FMNL2: variants seen among roughly 807,000 people sequenced by gnomAD.
The protein encoded by FMNL2 is formin like 2, also known as formin-like protein 2.
In FMNL2, 51 loss-of-function variants were observed where a neutral mutation model predicts 130.2. The ratio of observed to expected loss-of-function variants is 0.39; its 90% CI spans 0.31 to 0.49. The LOEUF is 0.49. FMNL2 is among the 20% of genes least tolerant of loss of function. The pLI is 0.85. For synonymous variants in FMNL2, 465 were observed against 467.1 expected (o/e 1.00, Z 0.06); for missense variants, 977 against 1,316.2 (o/e 0.74, Z 3.99).
chr2:152,343,891 G>A (rs569555010), intron 1 of FMNL2, among the ~76,000 whole-genome samples: 1 of 152,116 alleles, frequency 6.6e-6, no homozygotes, highest in Non-Finnish European at 1.5e-5. Context: ...AGTGGCTCAC[G>A]CCTGTAATCC....
intron 1 of FMNL2, among the ~76,000 whole-genome samples, chr2:152,503,703 G>A (rs1558919536): frequency 6.6e-6 from 1 of 152,170 alleles, no homozygotes; most frequent in African/African-American, 2.4e-5. Flanking sequence ...CCTGGGCCAT[G>A]GATTCTAAGT....
intron 10 of FMNL2, 100 bp from the exon 11 acceptor site, chr2:152,611,395 C>T (rs950813729): frequency 2.6e-5 from 16 of 611,824 alleles, no homozygotes; most frequent in Admixed American, 1.2e-4. Context: ...AAAAGGAAAT[C>T]GGTAAGTGAG....
At chr2:152,580,532 CT>C (rs372894209) in intron 8 of FMNL2, among the ~76,000 whole-genome samples, 11 of 149,366 alleles carry the variant, frequency 7.4e-5, no homozygotes, top group South Asian at 4.3e-4. Flanking sequence ...TGATTTTGAA[CT>C]TTTTTTTTTG....
rs370601597 is a variant in FMNL2, at chr2:152,511,777, G to C, written c.118-10166G>C. Among the ~76,000 whole-genome samples, 6 of 152,238 alleles carry C rather than the reference G, an allele frequency of 3.9e-5. No individual in the cohort carries two copies. The East Asian group carries it at 1.2e-3, about 29-fold the overall frequency. On this transcript the variant is annotated intron_variant, in intron 1 of 25. Coordinates refer to ENST00000288670, the MANE Select transcript of FMNL2 (RefSeq NM_052905.4). ...ACAGATATGTTGCTGGGAAAGGGCT[G>C]GGGGAGAGTGAGGCCAGGGTTCCAG...
chr2:152,363,159 G>C (rs1683276301), intron 1 of FMNL2, among the ~76,000 whole-genome samples: 1 of 152,172 alleles, frequency 6.6e-6, no homozygotes, highest in African/African-American at 2.4e-5. Flanking sequence ...GTCGAATTGT[G>C]TGCATTACAT....
intron 9 of FMNL2, among the ~76,000 whole-genome samples, chr2:152,581,258 TTTG>T (rs937908843): frequency 4.6e-5 from 7 of 152,212 alleles, no homozygotes; most frequent in Admixed American, 2.6e-4. Context: ...GTACTCTTTT[TTTG>T]TTGTTGTTGT....
intron 6 of FMNL2, 133 bp downstream of exon 6, chr2:152,561,168 G>A (rs1695500953): frequency 1.1e-6 from 1 of 945,414 alleles, no homozygotes; most frequent in Non-Finnish European, 1.5e-6. Context: ...GACTCTAAAT[G>A]AATGTTTCTT....
chr2:152,641,829 C>T (rs1683106387), intron 25 of FMNL2, among the ~76,000 whole-genome samples: 1 of 152,150 alleles, frequency 6.6e-6, no homozygotes, highest in African/African-American at 2.4e-5. Flanking sequence ...CAAAAACATA[C>T]TTTACACCAT....
intron 1 of FMNL2, among the ~76,000 whole-genome samples, chr2:152,399,344 G>C (rs942471126): frequency 2.6e-5 from 4 of 152,224 alleles, no homozygotes; most frequent in Non-Finnish European, 4.4e-5. Context: ...TGGTTGAAAG[G>C]GGGAAGCCTA....
chr2:152,343,298 C>A (rs998397508), intron 1 of FMNL2, among the ~76,000 whole-genome samples: 2 of 140,418 alleles, frequency 1.4e-5, no homozygotes, highest in Admixed American at 1.5e-4. Flanking sequence ...TCAAATAGTT[C>A]ATATTTTTTT....
chr2:152,572,586 T>C (rs1468989401), intron 6 of FMNL2, among the ~76,000 whole-genome samples: 1 of 151,938 alleles, frequency 6.6e-6, no homozygotes, highest in Non-Finnish European at 1.5e-5. Flanking sequence ...AGGAATTCGA[T>C]ACCCACCTGG....
At chr2:152,608,987 A>C (rs574662138) in intron 10 of FMNL2, among the ~76,000 whole-genome samples, 1 of 152,230 alleles carries the variant, frequency 6.6e-6, no homozygotes, top group East Asian at 1.9e-4. Context: ...CTATTGCTTT[A>C]GTCCAAAGAT....
At chr2:152,397,210 T>C (rs1013615029) in intron 1 of FMNL2, among the ~76,000 whole-genome samples, 9 of 152,180 alleles carry the variant, frequency 5.9e-5, no homozygotes, top group East Asian at 1.9e-4. Context: ...TCTTTTTTTT[T>C]CCCATTAATA....
At chr2:152,619,866 G>A in intron 15 of FMNL2, 148 bp downstream of exon 15, 2 of 1,434,544 alleles carry the variant, frequency 1.4e-6, no homozygotes, top group Non-Finnish European at 1.9e-6. Context: ...GTAGCCGATA[G>A]AGGGAACATC....
chr2:152,589,981 A>ATGTATATGTATGTATATG (rs1174507707), intron 9 of FMNL2, among the ~76,000 whole-genome samples: 3 of 42,490 alleles, frequency 7.1e-5, no homozygotes, highest in East Asian at 1.8e-3. Flanking sequence ...ATATATATAT[A>ATGTATATGTATGTATATG]TATGTATATG....
chr2:152,540,138 T>G (rs1694228015), intron 2 of FMNL2, among the ~76,000 whole-genome samples: 1 of 152,124 alleles, frequency 6.6e-6, no homozygotes, highest in Non-Finnish European at 1.5e-5. Context: ...AAGGATAATA[T>G]TTATTTATAT....
chr2:152,366,273 C>T (rs1005849989), intron 1 of FMNL2, among the ~76,000 whole-genome samples: 1 of 116,794 alleles, frequency 8.6e-6, no homozygotes, highest in Non-Finnish European at 1.6e-5. Flanking sequence ...GAACATCACA[C>T]ACCGGGGACT....
chr2:152,580,048 A>AC (rs1333165292), intron 8 of FMNL2, among the ~76,000 whole-genome samples: 1 of 152,172 alleles, frequency 6.6e-6, no homozygotes, highest in African/African-American at 2.4e-5. Context: ...CCCTGATTAA[A>AC]CCTTTTGCGA....
At chr2:152,340,704 C>T (rs1443404811) in intron 1 of FMNL2, among the ~76,000 whole-genome samples, 3 of 151,900 alleles carry the variant, frequency 2.0e-5, no homozygotes, top group African/African-American at 7.3e-5. Context: ...GTTTGTTTTT[C>T]TTTTTGAGAT....
Sources: allele counts gnomAD v4.1 joint callset (sites outside exome capture counted in the v4.1 genomes callset), GRCh38; gene constraint gnomAD v4.1.1; transcripts MANE v1.5; gene names NCBI Gene and HGNC (gene_info 2026-07-23, HGNC 2026-07-21).